The following NPEPL1 variants were observed in gnomAD, a reference collection of about 807,000 sequenced individuals.
NPEPL1 encodes the protein aminopeptidase like 1.
NPEPL1 carries 45 observed loss-of-function variants against 52.4 expected under a neutral mutation model. The ratio of observed to expected loss-of-function variants is 0.86; its 90% confidence interval spans 0.68 to 1.10. The LOEUF (loss-of-function observed/expected upper bound fraction) is 1.10, where lower values mean the gene tolerates loss of function less well. Among genes scored for constraint, NPEPL1 ranks in the 50% least tolerant of loss-of-function variants. The pLI is 0.00. For missense variants in NPEPL1, 696 were observed against 710.9 expected (o/e 0.98, Z 0.24); for synonymous variants, 360 against 314.7 (o/e 1.14, Z -1.52).
chr20:58,698,806 A>T, intron 4 of NPEPL1, 33 bp downstream of exon 4: 5 of 1,573,226 alleles, frequency 3.2e-6, no homozygotes, highest in Non-Finnish European at 4.4e-6. Flanking sequence ...GGGTGGGACC[A>T]GGCTGGGGTG....
chr20:58,693,138 C>A (rs1355812040), intron 1 of NPEPL1, 88 bp downstream of exon 1: 25 of 895,818 alleles, frequency 2.8e-5, no homozygotes, highest in Non-Finnish European at 3.3e-5. Context: ...CCCGCCGCAC[C>A]CCCGCCGCCG....
At chr20:58,692,141 C>T (rs2084361532), upstream of NPEPL1, 2 of 406,562 alleles carry the variant, frequency 4.9e-6, no homozygotes, top group South Asian at 8.1e-5. This position sits in a 1 kb window ranked among gnomAD's most constrained non-coding sequence, Gnocchi z 5.7. Context: ...CCCATGCAGC[C>T]AGGCAGTGCC....
At chr20:58,710,545 G>T (rs1408477570) in intron 7 of NPEPL1, among the ~76,000 whole-genome samples, 1 of 150,466 alleles carries the variant, frequency 6.6e-6, no homozygotes, top group Non-Finnish European at 1.5e-5. Flanking sequence ...ACCCTTGGCC[G>T]CCCTGGGGGA....
At chr20:58,697,531 G>A (rs2084518094) in intron 3 of NPEPL1, among the ~76,000 whole-genome samples, 1 of 152,212 alleles carries the variant, frequency 6.6e-6, no homozygotes, top group Non-Finnish European at 1.5e-5. Flanking sequence ...GGGGGAGGTG[G>A]CCAGGCTGCA....
chr20:58,692,669 C>T (rs867597617), upstream of NPEPL1: 42 of 315,566 alleles, frequency 1.3e-4, no homozygotes, highest in Middle Eastern at 1.5e-3. The surrounding 1 kb of genome is among the most constrained non-coding windows in gnomAD (Gnocchi z 5.7). Flanking sequence ...CGGCTTCGGG[C>T]CTGCCCGGCC....
chr20:58,705,030 CTT>C (rs892683676), intron 6 of NPEPL1, among the ~76,000 whole-genome samples: 13 of 152,218 alleles, frequency 8.5e-5, no homozygotes, highest in South Asian at 2.1e-4. Context: ...CAAAAAATCA[CTT>C]AATATCACCA....
At chr20:58,700,500 G>C (rs918893521) in intron 5 of NPEPL1, among the ~76,000 whole-genome samples, 1 of 152,224 alleles carries the variant, frequency 6.6e-6, no homozygotes, top group Non-Finnish European at 1.5e-5. Flanking sequence ...ATGATTGTTT[G>C]ACTCAATTAT....
At chr20:58,711,099 T>TCCCCCTCCCCCA (rs2084829571) in intron 7 of NPEPL1, 1 of 36,546 alleles carries the variant, frequency 2.7e-5, no homozygotes, top group African/African-American at 2.0e-4. Flanking sequence ...CCTCTCCTCC[T>TCCCCCTCCCCCA]CCTCCTCCCC....
At chr20:58,690,356 AAT>A (rs1426633346), upstream of NPEPL1, among the ~76,000 whole-genome samples, 1 of 152,254 alleles carries the variant, frequency 6.6e-6, no homozygotes, top group African/African-American at 2.4e-5. Flanking sequence ...AGGAAAATTA[AAT>A]AGAGTTGAAT....
intron 7 of NPEPL1, among the ~76,000 whole-genome samples, chr20:58,708,379 G>C (rs959237745): frequency 6.6e-6 from 1 of 152,192 alleles, no homozygotes; most frequent in Non-Finnish European, 1.5e-5. Flanking sequence ...ACGGAGGTGC[G>C]GGGCTGAGGC....
intron 3 of NPEPL1, 79 bp from the exon 4 acceptor site, chr20:58,698,605 C>T (rs2084540979): frequency 1.6e-5 from 18 of 1,156,460 alleles, no homozygotes; most frequent in Non-Finnish European, 2.3e-5. Flanking sequence ...GCCTCTGCTG[C>T]CTTTTGTTCC....
At chr20:58,691,758 G>A, upstream of NPEPL1, 2 of 1,466,002 alleles carry the variant, frequency 1.4e-6, no homozygotes, top group Non-Finnish European at 1.9e-6. Flanking sequence ...AATAACAGGA[G>A]TGGCTTATGG....
At chr20:58,702,568 A>ATGGGTCTCT (rs1222172713) in intron 6 of NPEPL1, among the ~76,000 whole-genome samples, 19 of 152,056 alleles carry the variant, frequency 1.2e-4, no homozygotes, top group African/African-American at 4.1e-4. Flanking sequence ...ATGCCTCCCT[A>ATGGGTCTCT]TGGGTCTCTT....
chr20:58,703,391 G>T (rs2084672861), intron 6 of NPEPL1: 1 of 869,480 alleles, frequency 1.2e-6, no homozygotes, highest in Non-Finnish European at 1.4e-6. Flanking sequence ...CTGACTTCTA[G>T]TCGGTTATGA....
At chr20:58,691,693 C>CTTTTTTTTTTTTTTTTTTTTTTG, upstream of NPEPL1, 2 of 561,312 alleles carry the variant, frequency 3.6e-6, no homozygotes, top group East Asian at 3.5e-5. Context: ...TTTTTCTTTT[C>CTTTTTTTTTTTTTTTTTTTTTTG]TTTTTTTTTT....
intron 3 of NPEPL1, among the ~76,000 whole-genome samples, chr20:58,696,551 G>T (rs75677956): frequency 0.013 from 2,011 of 152,306 alleles, 50 homozygotes; most frequent in African/African-American, 0.047. Context: ...CATGGCCCCC[G>T]ACCCCATTGG....
intron 7 of NPEPL1, among the ~76,000 whole-genome samples, 184 bp from the exon 8 acceptor site, chr20:58,712,295 G>C (rs1430597768): frequency 6.6e-6 from 1 of 152,182 alleles, no homozygotes; most frequent in Admixed American, 6.5e-5. Flanking sequence ...CCAGTGGTGA[G>C]CCTTGGCCTT....
At chr20:58,691,831 G>C, upstream of NPEPL1, 1 of 1,542,764 alleles carries the variant, frequency 6.5e-7, no homozygotes, top group Admixed American at 2.0e-5. Flanking sequence ...AGGATGTTGG[G>C]TAACAGATTT....
chr20:58,704,858 G>A (rs2084706331), intron 6 of NPEPL1, among the ~76,000 whole-genome samples: 1 of 152,208 alleles, frequency 6.6e-6, no homozygotes, highest in South Asian at 2.1e-4. Flanking sequence ...GGAATCTGAA[G>A]CCTCATGAAT....
Sources: allele counts gnomAD v4.1 joint callset (sites outside exome capture counted in the v4.1 genomes callset), GRCh38; gene constraint gnomAD v4.1.1; non-coding constraint Gnocchi (gnomAD v3.1); transcripts MANE v1.5; gene names NCBI Gene and HGNC (gene_info 2026-07-23, HGNC 2026-07-21).